MIS12: variants seen among roughly 807,000 people sequenced by gnomAD.
MIS12 encodes the protein protein MIS12 homolog.
Under a neutral mutation model 16.5 loss-of-function variants are expected in MIS12, and 13 were observed. The observed-to-expected ratio is 0.79, with a 90% CI of 0.51 to 1.25. MIS12 has a LOEUF of 1.25. MIS12 is among the 50% of genes most tolerant of loss of function. The probability of loss-of-function intolerance (pLI) is 0.00; values close to 1 mark genes in which losing one functional copy is unlikely to be tolerated. For missense variants in MIS12, 199 were observed against 239.5 expected, an observed-to-expected ratio of 0.83 and a Z score of 1.12; for synonymous variants, 97 against 87.3, an observed-to-expected ratio of 1.11 and a Z score of -0.62.
rs1433080367 is a variant in MIS12 at position 5,488,916 on chromosome 17, A to G, written c.54A>G (p.Gln18=). 6.2e-7 allele frequency: 1 copy of G among 1,614,172 alleles called. No homozygotes were observed. The change falls in exon 3 of 3, where the codon CAA becomes CAG. Residue 18 remains glutamine, a synonymous_variant. Coordinates refer to ENST00000611091, the MANE Select transcript of MIS12 (RefSeq NM_001258217.2). ...YEAQFFGFTP[Q]TCMLRIYIAF... The stretch of plus-strand genomic sequence containing the variant: ...CCCAGTTCTTTGGCTTCACGCCACA[A>G]ACGTGCATGCTTCGGATCTACATTG...
rs1906642640 is a variant in MIS12 at position 5,489,694 on chromosome 17, G to A, written c.*214G>A. On this transcript the variant is annotated 3_prime_UTR_variant, in exon 3 of 3. Coordinates refer to ENST00000611091, the MANE Select transcript of MIS12 (RefSeq NM_001258217.2). ...GTGTACTACTTTGAACTAGGCTGAA[G>A]CATCTGAGTCTTCTAATAAGTGGGA... The A allele has an allele frequency of 2.1e-6, 1 of 470,410 alleles. No homozygotes were observed. 29.1% of individuals were successfully genotyped at this position (470,410 alleles called of 1,614,324 possible).
chr17:5,487,979 A>G (rs953305243), intron 1 of MIS12, among the ~76,000 whole-genome samples: 5 of 152,234 alleles, frequency 3.3e-5, no homozygotes, highest in Non-Finnish European at 7.3e-5. Context: ...CTTTATCTGA[A>G]GGAATAATAA....
rs765096055 is a variant in MIS12 at position 5,489,517 on chromosome 17, T to C, written c.*37T>C. On this transcript the variant is annotated 3_prime_UTR_variant, in exon 3 of 3. Coordinates refer to ENST00000611091, the MANE Select transcript of MIS12 (RefSeq NM_001258217.2). The stretch of plus-strand genomic sequence containing the variant: ...TCAAAAGGAGGAGCCTGTCAAAAAG[T>C]AGAATCATAAGGACTGTTCAAACCA... 4.5e-6 allele frequency: 7 copies of C among 1,545,222 alleles called. No individual in the cohort carries two copies. Among genetic ancestry groups the C allele is most frequent in the Non-Finnish European group, 6.1e-6 (7 of 1,153,250 alleles).
chr17:5,488,318 G>A lies in MIS12; in HGVS notation c.-312G>A, dbSNP rs1186598721. On this transcript the variant is annotated 5_prime_UTR_variant, in exon 2 of 3. Transcript: ENST00000611091. ...GTGGCAGAGGCTGAGAACAGAAAGA[G>A]AGGGTGGAGGGGCTGTAAATCTTGA... 1 of 152,730 alleles carries A rather than the reference G, an allele frequency of 6.5e-6. No individual in the cohort carries two copies. The highest frequency in any genetic ancestry group is 1.5e-5 in the Non-Finnish European group (1 of 68,452). The allele number at this position is 152,730 out of a possible 1,614,324, so 9.5% of individuals were successfully genotyped here.
In MIS12 at chr17:5,489,629, G is replaced by A; in HGVS notation, c.*149G>A. On this transcript the variant is annotated 3_prime_UTR_variant, in exon 3 of 3. Coordinates refer to ENST00000611091, the MANE Select transcript of MIS12 (RefSeq NM_001258217.2). ...CTTTGTCAACTCTTTCTTGTATTCT[G>A]TGTTTTCCTCTTTTTTGGTCCACTT... 1.0e-6 allele frequency: 1 copy of A among 952,864 alleles called. No homozygotes were observed. The highest frequency in any genetic ancestry group is 1.5e-6 in the Non-Finnish European group (1 of 662,060). The allele number at this position is 952,864 out of a possible 1,614,324, so 59.0% of individuals were successfully genotyped here. A position where few individuals can be genotyped will look rare whatever the true frequency, so the allele number is the denominator to read the frequency against.
In MIS12 at chr17:5,490,425, A is replaced by G. The variant is rs1438644020; in HGVS notation, c.*945A>G. The G allele has an allele frequency of 6.0e-6, 1 of 166,958 alleles. No homozygotes were observed. Among genetic ancestry groups the G allele is most frequent in the African/African-American group, 2.4e-5 (1 of 41,332 alleles). 10.3% of individuals were successfully genotyped at this position (166,958 alleles called of 1,614,324 possible). A position where few individuals can be genotyped will look rare whatever the true frequency, so the allele number is the denominator to read the frequency against. On this transcript the variant is annotated 3_prime_UTR_variant, in exon 3 of 3. Coordinates refer to ENST00000611091, the MANE Select transcript of MIS12 (RefSeq NM_001258217.2). ...TAGGTATCTATGCCAATTTGTTTTCATACTTCAGTTGGTTTTGGAATCTGC... is the reference window on the plus strand; with the variant it reads ...TAGGTATCTATGCCAATTTGTTTTCGTACTTCAGTTGGTTTTGGAATCTGC...
Position 5,486,661 on chromosome 17 carries a change from A to G in MIS12, c.-458A>G, listed in dbSNP as rs554804954. 1 of 153,402 alleles carries G rather than the reference A, an allele frequency of 6.5e-6. No homozygotes were observed. The highest frequency in any genetic ancestry group is 1.5e-5 in the Non-Finnish European group (1 of 68,340). 9.5% of individuals were successfully genotyped at this position (153,402 alleles called of 1,614,324 possible). ...GGCGGGAAGCCTGTGTGTGCTTCAA[A>G]TCGTCACCCTCATGGTCGCTCCGGT... On this transcript the variant is annotated 5_prime_UTR_variant, in exon 1 of 3. Transcript: ENST00000611091.
Position 5,490,433 on chromosome 17 carries a change from G to A in MIS12, c.*953G>A, listed in dbSNP as rs2151720721. On this transcript the variant is annotated 3_prime_UTR_variant, in exon 3 of 3. Coordinates refer to ENST00000611091, the MANE Select transcript of MIS12 (RefSeq NM_001258217.2). The stretch of plus-strand genomic sequence containing the variant: ...TATGCCAATTTGTTTTCATACTTCA[G>A]TTGGTTTTGGAATCTGCCTTATACC... 1 of 166,560 alleles carries A rather than the reference G, an allele frequency of 6.0e-6. No individual in the cohort carries two copies. The highest frequency in any genetic ancestry group is 1.5e-5 in the Non-Finnish European group (1 of 68,052). 10.3% of individuals were successfully genotyped at this position (166,560 alleles called of 1,614,324 possible).
chr17:5,486,736 ACTGGCATAAGCGT>A (rs1906355402), intron 1 of MIS12, 52 bp downstream of exon 1: 1 of 152,618 alleles, frequency 6.6e-6, no homozygotes, highest in Non-Finnish European at 1.5e-5. Context: ...GACGGGCGAG[ACTGGCATAAGCGT>A]CTTCGCGAGG....
chr17:5,488,489 T>A lies in MIS12; in HGVS notation c.-141T>A. On this transcript the variant is annotated 5_prime_UTR_variant, in exon 2 of 3. Coordinates refer to ENST00000611091, the MANE Select transcript of MIS12 (RefSeq NM_001258217.2). ...AGGTGGAGCTATAGGTCATTGAAGCTCAAGAAACTGAGTCTCTAGGGCATT... is the reference window on the plus strand; with the variant it reads ...AGGTGGAGCTATAGGTCATTGAAGCACAAGAAACTGAGTCTCTAGGGCATT... 2 of 183,888 alleles carry A rather than the reference T, an allele frequency of 1.1e-5. No homozygotes were observed. Among genetic ancestry groups the A allele is most frequent in the South Asian group, 1.1e-4 (1 of 8,856 alleles). The allele number at this position is 183,888 out of a possible 1,614,324, so 11.4% of individuals were successfully genotyped here.
chr17:5,488,749 C>A (rs2151718814), intron 2 of MIS12, 74 bp from the exon 3 acceptor site: 1 of 1,162,934 alleles, frequency 8.6e-7, no homozygotes, highest in East Asian at 2.4e-5. Context: ...TGTTTGCTAT[C>A]TGTAATGTGA....
rs923570220 is a variant in MIS12 at position 5,490,344 on chromosome 17, T to C, written c.*864T>C. On this transcript the variant is annotated 3_prime_UTR_variant, in exon 3 of 3. Coordinates refer to ENST00000611091, the MANE Select transcript of MIS12 (RefSeq NM_001258217.2). ...ACAAAAAAAGCAGAACCCACTGGAGTAGAAAAGGAAGCATGTAGCATATAC... is the reference window on the plus strand; with the variant it reads ...ACAAAAAAAGCAGAACCCACTGGAGCAGAAAAGGAAGCATGTAGCATATAC... 1.2e-5 allele frequency: 2 copies of C among 166,784 alleles called. No homozygotes were observed. Among genetic ancestry groups the C allele is most frequent in the African/African-American group, 2.4e-5 (1 of 41,318 alleles). The allele number at this position is 166,784 out of a possible 1,614,324, so 10.3% of individuals were successfully genotyped here. A position where few individuals can be genotyped will look rare whatever the true frequency, so the allele number is the denominator to read the frequency against.
In MIS12 at chr17:5,489,073, A is replaced by G. The variant is rs773037964; in HGVS notation, c.211A>G (p.Met71Val). Residue 71 changes from methionine to valine, a missense_variant, in exon 3 of 3, where the codon ATG becomes GTG. Met to Val is a conservative substitution (Grantham distance 21, BLOSUM62 1). Transcript: ENST00000611091. Reference sequence around the variant, plus strand: ...ATGCACAGAGAAGTTTCTTTGCTTCATGAAAGGACATTTTGATAACCTTTT... The same window carrying G: ...ATGCACAGAGAAGTTTCTTTGCTTCGTGAAAGGACATTTTGATAACCTTTT... ...RKCTEKFLCF[M>V]KGHFDNLFSK... The G allele has an allele frequency of 1.2e-6, 2 of 1,614,118 alleles. No individual in the cohort carries two copies. Among genetic ancestry groups the G allele is most frequent in the African/African-American group, 2.7e-5 (2 of 74,946 alleles).
intron 1 of MIS12, chr17:5,487,579 T>G (rs1906453476): frequency 1.3e-5 from 2 of 152,264 alleles, no homozygotes; most frequent in Non-Finnish European, 2.9e-5. Context: ...TTGCCCAGGC[T>G]GGGGTGCAGT....
At position 5,489,111 on chromosome 17, in the gene MIS12, G is replaced by A. The variant is rs753185325; in HGVS notation, c.249G>A (p.Glu83=). 1.9e-6 allele frequency: 3 copies of A among 1,614,196 alleles called. No individual in the cohort carries two copies. The highest frequency in any genetic ancestry group is 1.1e-5 in the South Asian group (1 of 91,078). ...TTGATAACCTTTTTAGCAAAATGGAGCAACTGTTTTTGCAGCTGATTTTAC... is the reference window on the plus strand; with the variant it reads ...TTGATAACCTTTTTAGCAAAATGGAACAACTGTTTTTGCAGCTGATTTTAC... ...GHFDNLFSKM[E]QLFLQLILRI... is the part of the protein sequence containing the mutation. The change falls in exon 3 of 3, where the codon GAG becomes GAA. Residue 83 remains glutamate, a synonymous_variant. Transcript: ENST00000611091.
Position 5,488,257 on chromosome 17 carries a change from A to C in MIS12, c.-373A>C, listed in dbSNP as rs924648167. The stretch of plus-strand genomic sequence containing the variant: ...GGCAACGGAGTGATCAAAATGATAG[A>C]TCATGAGGCCTAAAATGAATAAGGA... On this transcript the variant is annotated 5_prime_UTR_variant, in exon 2 of 3. Coordinates refer to ENST00000611091, the MANE Select transcript of MIS12 (RefSeq NM_001258217.2). 1.3e-5 allele frequency: 2 copies of C among 152,312 alleles called. No homozygotes were observed. The highest frequency in any genetic ancestry group is 2.9e-5 in the Non-Finnish European group (2 of 68,108). 9.4% of individuals were successfully genotyped at this position (152,312 alleles called of 1,614,324 possible).
chr17:5,489,381 T>C lies in MIS12; in HGVS notation c.519T>C (p.Asp173=). The C allele has an allele frequency of 6.2e-7, 1 of 1,614,020 alleles. No individual in the cohort carries two copies. The highest frequency in any genetic ancestry group is 8.5e-7 in the Non-Finnish European group (1 of 1,180,004). ...HNVGRDHGTS[D]FRESLVSLVQ... ...TTGGCAGAGATCATGGGACTAGTGATTTTAGGGAGAGTTTAGTATCCCTGG... is the reference window on the plus strand; with the variant it reads ...TTGGCAGAGATCATGGGACTAGTGACTTTAGGGAGAGTTTAGTATCCCTGG... The change falls in exon 3 of 3, where the codon GAT becomes GAC. Residue 173 remains aspartate, a synonymous_variant. Coordinates refer to ENST00000611091, the MANE Select transcript of MIS12 (RefSeq NM_001258217.2).
At position 5,489,438 on chromosome 17, in the gene MIS12, A is replaced by T; in HGVS notation, c.576A>T (p.Arg192Ser). 6.3e-7 allele frequency: 1 copy of T among 1,598,660 alleles called. No homozygotes were observed. Among genetic ancestry groups the T allele is most frequent in the Non-Finnish European group, 8.5e-7 (1 of 1,176,078 alleles). Residue 192 changes from arginine to serine, a missense_variant, in exon 3 of 3, where the codon AGA becomes AGT. By Grantham distance (110) the Arg-to-Ser change is moderately radical. Transcript: ENST00000611091. Reference protein sequence around the residue: ...VQNSRKLQNIRDNVEKESKRL... With the variant: ...VQNSRKLQNISDNVEKESKRL... ...ACTCCAGAAAACTACAGAACATTAG[A>T]GACAATGTGGAAAAGGAATCGAAAC... is the stretch of plus-strand genomic sequence containing the variant.
At chr17:5,488,082 T>C (rs1437594279) in intron 1 of MIS12, 114 bp from the exon 2 acceptor site, 1 of 152,208 alleles carries the variant, frequency 6.6e-6, no homozygotes, top group Non-Finnish European at 1.5e-5. Flanking sequence ...ATAGGGGTTT[T>C]ATTTTCCTAG....
Sources: gnomAD v4.1 joint callset for allele counts (sites outside exome capture counted in the v4.1 genomes callset) on GRCh38, gnomAD v4.1.1 for gene constraint, MANE v1.5 for transcripts, NCBI Gene and HGNC (gene_info 2026-07-23, HGNC 2026-07-21) for gene names.